The following PLCZ1 variants were observed in gnomAD, a reference collection of about 807,000 sequenced individuals.
PLCZ1 encodes 1-phosphatidylinositol 4,5-bisphosphate phosphodiesterase zeta-1.
Under a neutral mutation model 76.8 loss-of-function variants are expected in PLCZ1, and 64 were observed. The ratio of observed to expected loss-of-function variants is 0.83; its 90% CI spans 0.68 to 1.03. PLCZ1 has a LOEUF of 1.03. Among genes scored for constraint, PLCZ1 ranks in the 50% least tolerant of loss-of-function variants. The pLI, the probability that PLCZ1 is intolerant of heterozygous loss-of-function variation, is 0.00. For synonymous variants in PLCZ1, 248 were observed against 230.8 expected (o/e 1.07, Z -0.68); for missense variants, 751 against 713.7 (o/e 1.05, Z -0.60).
chr12:18,695,785 A>G (rs528929571), intron 11 of PLCZ1, among the ~76,000 whole-genome samples: 2 of 152,282 alleles, frequency 1.3e-5, no homozygotes, highest in Admixed American at 1.3e-4. Context: ...AAGCTCATGT[A>G]AAGTATAAAT....
At chr12:18,664,843 T>A in the PLCZ1 span, among the ~76,000 whole-genome samples, 4 of 151,554 alleles carry the variant, frequency 2.6e-5, no homozygotes, top group Admixed American at 2.0e-4. Flanking sequence ...AATGATGAGT[T>A]CATGTCCTTT....
the PLCZ1 span, among the ~76,000 whole-genome samples, chr12:18,676,464 C>G: frequency 6.6e-6 from 1 of 152,022 alleles, no homozygotes; most frequent in South Asian, 2.1e-4. Context: ...CCTGCATTTG[C>G]CTTGCTAGTA....
At chr12:18,676,442 T>C in the PLCZ1 span, among the ~76,000 whole-genome samples, 1 of 152,126 alleles carries the variant, frequency 6.6e-6, no homozygotes, top group African/African-American at 2.4e-5. Context: ...CCTTGCTTCT[T>C]CAGTGAAAAT....
At chr12:18,712,087 A>G (rs1420955386) in intron 6 of PLCZ1, among the ~76,000 whole-genome samples, 5 of 152,176 alleles carry the variant, frequency 3.3e-5, no homozygotes. Flanking sequence ...TTAGGTACAC[A>G]TTACACAGTT....
intron 3 of PLCZ1, among the ~76,000 whole-genome samples, chr12:18,735,544 A>C (rs1959199108): frequency 6.6e-6 from 1 of 152,008 alleles, no homozygotes; most frequent in Non-Finnish European, 1.5e-5. Flanking sequence ...ACAGCCTCTC[A>C]GTCTCCTTTT....
intron 13 of PLCZ1, among the ~76,000 whole-genome samples, chr12:18,687,674 C>G (rs540203616): frequency 6.6e-6 from 1 of 152,106 alleles, no homozygotes; most frequent in Admixed American, 6.6e-5. Context: ...AAGCCATAGA[C>G]TTTTAATCTA....
chr12:18,650,323 C>CTATATA, the PLCZ1 span, among the ~76,000 whole-genome samples: 18 of 77,956 alleles, frequency 2.3e-4, no homozygotes, highest in African/African-American at 8.5e-4. Context: ...CTCTCTCTCT[C>CTATATA]TCTCTCTCTA....
intron 5 of PLCZ1, among the ~76,000 whole-genome samples, chr12:18,716,433 G>A (rs959058964): frequency 2.0e-5 from 3 of 152,138 alleles, no homozygotes; most frequent in African/African-American, 4.8e-5. Context: ...GCAATGTCAT[G>A]CCAACCACTT....
chr12:18,671,217 G>GAA, the PLCZ1 span, among the ~76,000 whole-genome samples: 7 of 149,240 alleles, frequency 4.7e-5, no homozygotes, highest in Admixed American at 4.7e-4. Flanking sequence ...GAAAGAAAAA[G>GAA]AAAAAGTGCT....
the PLCZ1 span, among the ~76,000 whole-genome samples, chr12:18,648,574 A>G: frequency 1.3e-5 from 2 of 152,184 alleles, no homozygotes; most frequent in Non-Finnish European, 2.9e-5. Context: ...TCTTACATTC[A>G]ATTGTTGGAA....
chr12:18,711,529 T>TATAATAATAATAATAATAATA (rs71440375), intron 6 of PLCZ1, among the ~76,000 whole-genome samples: 2 of 142,462 alleles, frequency 1.4e-5, no homozygotes, highest in South Asian at 2.2e-4. Flanking sequence ...AAACTTAAAG[T>TATAATAATAATAATAATAATA]ATAATAATAA....
intron 3 of PLCZ1, among the ~76,000 whole-genome samples, chr12:18,727,616 G>A (rs1958826176): frequency 6.6e-6 from 1 of 152,154 alleles, no homozygotes; most frequent in African/African-American, 2.4e-5. Context: ...AGCTGCGGGA[G>A]CAGATAAGGC....
At chr12:18,719,312 T>G in intron 5 of PLCZ1, 119 bp downstream of exon 5, 13 of 520,236 alleles carry the variant, frequency 2.5e-5, no homozygotes, top group Middle Eastern at 5.3e-4. Flanking sequence ...CTATTCCCTA[T>G]GAGTTTGGAT....
At chr12:18,717,122 A>G (rs1051725322) in intron 5 of PLCZ1, among the ~76,000 whole-genome samples, 4 of 152,168 alleles carry the variant, frequency 2.6e-5, no homozygotes, top group Admixed American at 2.6e-4. Flanking sequence ...AACAGAGAAA[A>G]GTACAATTAA....
At chr12:18,684,562 A>G (rs1244967849) in intron 13 of PLCZ1, among the ~76,000 whole-genome samples, 1 of 152,070 alleles carries the variant, frequency 6.6e-6, no homozygotes, top group Non-Finnish European at 1.5e-5. Flanking sequence ...AAGATGTTAC[A>G]TAATTTCCTA....
chr12:18,730,289 C>A (rs191164239), intron 3 of PLCZ1, among the ~76,000 whole-genome samples: 1 of 152,062 alleles, frequency 6.6e-6, no homozygotes, highest in African/African-American at 2.4e-5. Context: ...AATGTGTAAG[C>A]AGCTTAATCT....
intron 6 of PLCZ1, among the ~76,000 whole-genome samples, chr12:18,710,019 A>G (rs1012113908): frequency 2.6e-5 from 4 of 151,750 alleles, no homozygotes; most frequent in African/African-American, 9.7e-5. Context: ...CTGCAACTTT[A>G]CTGAATTCAT....
chr12:18,708,355 G>T (rs559524597), intron 6 of PLCZ1, among the ~76,000 whole-genome samples: 35 of 151,664 alleles, frequency 2.3e-4, no homozygotes, highest in African/African-American at 7.7e-4. Flanking sequence ...CTCATTCTTT[G>T]TAAAGACTGA....
Position 18,723,503 on chromosome 12 carries a change from C to T in PLCZ1, c.175G>A (p.Glu59Lys). ...RLKQGRITIEEFRAIYRIITH... is the reference protein window; with the variant it reads ...RLKQGRITIEKFRAIYRIITH... ...ATAATTCGATAAATTGCTCTAAATT[C>T]TTCTATGGTGATTCTTCCTTGTTTC... The change falls in exon 4 of 15, where the codon GAA becomes AAA. Residue 59 changes from glutamate (E) to lysine (K), a missense_variant. Physicochemically the swap from Glu to Lys is moderately conservative, Grantham distance 56 (BLOSUM62 1). Coordinates refer to ENST00000266505, the MANE Select transcript of PLCZ1 (RefSeq NM_033123.4). 6.2e-7 allele frequency: 1 copy of T among 1,612,640 alleles called. No individual in the cohort carries two copies. Among genetic ancestry groups the T allele is most frequent in the Non-Finnish European group, 8.5e-7 (1 of 1,179,356 alleles).
Sources: allele counts gnomAD v4.1 joint callset (sites outside exome capture counted in the v4.1 genomes callset), GRCh38; gene constraint gnomAD v4.1.1; transcripts MANE v1.5; gene names NCBI Gene and HGNC (gene_info 2026-07-23, HGNC 2026-07-21).